FAM161B: variants seen among roughly 807,000 people sequenced by gnomAD.
FAM161B encodes protein FAM161B.
In FAM161B, 46 loss-of-function variants were observed where a neutral mutation model predicts 61.5. That is an observed-to-expected ratio of 0.75 (90% confidence interval 0.59 to 0.96). The LOEUF (loss-of-function observed/expected upper bound fraction) is 0.96, where lower values mean the gene tolerates loss of function less well. Ranked by LOEUF, FAM161B falls within the 40% of genes least tolerant of loss-of-function variation. The pLI is 0.00. For synonymous variants in FAM161B, 284 were observed against 302.7 expected (o/e 0.94, Z 0.64); for missense variants, 774 against 800.7 (o/e 0.97, Z 0.40).
At chr14:73,943,739 T>C (rs774163155) in intron 3 of FAM161B, among the ~76,000 whole-genome samples, 1 of 152,188 alleles carries the variant, frequency 6.6e-6, no homozygotes, top group Non-Finnish European at 1.5e-5. Flanking sequence ...TTAATCCTTG[T>C]AAATAACTCG....
At chr14:73,949,819 G>C in intron 1 of FAM161B, 154 bp downstream of exon 1, 1 of 1,088,428 alleles carries the variant, frequency 9.2e-7, no homozygotes, top group Non-Finnish European at 1.3e-6. Flanking sequence ...AGAGGTTCAG[G>C]TCTGTAAGTC....
At chr14:73,943,178 G>A (rs767778945) in intron 3 of FAM161B, among the ~76,000 whole-genome samples, 4 of 152,052 alleles carry the variant, frequency 2.6e-5, no homozygotes, top group Admixed American at 6.5e-5. Context: ...TGACTCCTCC[G>A]TGTCTCTCAT....
In FAM161B at chr14:73,932,632, C is replaced by A; in HGVS notation, c.*1624G>T. On this transcript the variant is annotated 3_prime_UTR_variant, in exon 9 of 9. Transcript: ENST00000286544. ...TACTGAGAAAATATCCACTCATCAT[C>A]ATTATGATTTGAGATGGGGTCTTGC... The A allele has an allele frequency of 2.7e-6, 1 of 374,910 alleles. No homozygotes were observed. Among genetic ancestry groups the A allele is most frequent in the Non-Finnish European group, 5.2e-6 (1 of 193,048 alleles). 23.2% of individuals were successfully genotyped at this position (374,910 alleles called of 1,614,324 possible). A position where few individuals can be genotyped will look rare whatever the true frequency, so the allele number is the denominator to read the frequency against.
At position 73,944,561 on chromosome 14, in the gene FAM161B, G is replaced by C. The variant is rs749850393; in HGVS notation, c.699C>G (p.Ile233Met). The change falls in exon 3 of 9, where the codon ATC becomes ATG. Residue 233 changes from isoleucine to methionine, a missense_variant. Coordinates refer to ENST00000286544, the MANE Select transcript of FAM161B (RefSeq NM_152445.3). ...AHVYLPLYQE[I>M]MERSEARRQA... ...GCCTTCGGGCCTCGCTGCGCTCCATGATCTCTTGGTAGAGGGGCAGGTAGA... is the reference window on the plus strand; with the variant it reads ...GCCTTCGGGCCTCGCTGCGCTCCATCATCTCTTGGTAGAGGGGCAGGTAGA... 1.6e-5 allele frequency: 26 copies of C among 1,614,014 alleles called. No individual in the cohort carries two copies. The highest frequency in any genetic ancestry group is 2.2e-5 in the Non-Finnish European group (26 of 1,180,042).
At position 73,933,583 on chromosome 14, in the gene FAM161B, C is replaced by CCTAT. The variant is rs768539260; in HGVS notation, c.*669_*672dup. The stretch of plus-strand genomic sequence containing the variant: ...ATGTAGTTGATGTAGTAACTCTGAG[C>CCTAT]CTATATTCCAGCAGGATTTGATACT... On this transcript the variant is annotated 3_prime_UTR_variant, in exon 9 of 9. Coordinates refer to ENST00000286544, the MANE Select transcript of FAM161B (RefSeq NM_152445.3). 2.0e-5 allele frequency: 3 copies of CCTAT among 152,186 alleles called. No homozygotes were observed. Among genetic ancestry groups the CCTAT allele is most frequent in the Non-Finnish European group, 2.9e-5 (2 of 68,046 alleles). 9.4% of individuals were successfully genotyped at this position (152,186 alleles called of 1,614,324 possible).
At chr14:73,935,805 G>T in intron 8 of FAM161B, 144 bp downstream of exon 8, 1 of 835,850 alleles carries the variant, frequency 1.2e-6, no homozygotes, top group Non-Finnish European at 1.7e-6. Context: ...GTTACTTGGA[G>T]ATCTCTGGAT....
At chr14:73,927,800 G>A (rs1297313076), downstream of FAM161B, 1 of 154,818 alleles carries the variant, frequency 6.5e-6, no homozygotes, top group African/African-American at 2.4e-5. Flanking sequence ...GTGAGGTTAG[G>A]ATGGGAGAAG....
intron 1 of FAM161B, among the ~76,000 whole-genome samples, chr14:73,948,229 G>A (rs550423628): frequency 1.3e-5 from 2 of 152,190 alleles, no homozygotes; most frequent in Admixed American, 6.5e-5. Context: ...CCGCCCAACG[G>A]CAATACTTAT....
At position 73,944,793 on chromosome 14, in the gene FAM161B, G is replaced by A. The variant is rs771933105; in HGVS notation, c.467C>T (p.Pro156Leu). The change falls in exon 3 of 9, where the codon CCC becomes CTC. Residue 156 changes from proline (P) to leucine (L), a missense_variant. Transcript: ENST00000286544. The part of the protein sequence containing the change: ...QTQPPSGSRP[P>L]SQHRSVSSWA... The stretch of plus-strand genomic sequence containing the variant: ...GGAGCTGACGCTTCTGTGCTGGGAG[G>A]GAGGCCGGGAGCCTGAGGGTGGCTG... The A allele has an allele frequency of 6.3e-7, 1 of 1,579,966 alleles. No individual in the cohort carries two copies. Among genetic ancestry groups the A allele is most frequent in the Non-Finnish European group, 8.6e-7 (1 of 1,161,618 alleles).
In FAM161B at chr14:73,933,812, T is replaced by C. The variant is rs1318382472; in HGVS notation, c.*444A>G. Reference sequence around the variant, plus strand: ...CCACTTTGATTTCCTTGAACTATTCTCTGTTATCTGCTGCTCTTTTTTTTT... The same window carrying C: ...CCACTTTGATTTCCTTGAACTATTCCCTGTTATCTGCTGCTCTTTTTTTTT... On this transcript the variant is annotated 3_prime_UTR_variant, in exon 9 of 9. Coordinates refer to ENST00000286544, the MANE Select transcript of FAM161B (RefSeq NM_152445.3). 1 of 154,070 alleles carries C rather than the reference T, an allele frequency of 6.5e-6. No individual in the cohort carries two copies. The highest frequency in any genetic ancestry group is 1.9e-4 in the East Asian group (1 of 5,224). 9.5% of individuals were successfully genotyped at this position (154,070 alleles called of 1,614,324 possible).
In FAM161B at chr14:73,938,058, T is replaced by A; in HGVS notation, c.1455A>T (p.Ile485=). Residue 485 remains isoleucine (I), a synonymous_variant, in exon 6 of 9, where the codon ATA becomes ATT. Transcript: ENST00000286544. ...ACATTGCTTGAGACTTCTTTTTGTGTATCTCCAGCCACTGAATACTCTCAT... is the reference window on the plus strand; with the variant it reads ...ACATTGCTTGAGACTTCTTTTTGTGAATCTCCAGCCACTGAATACTCTCAT... ...KADESIQWLE[I]HKKKSQAMSK... 5.0e-6 allele frequency: 8 copies of A among 1,614,242 alleles called. No individual in the cohort carries two copies. The highest frequency in any genetic ancestry group is 6.8e-6 in the Non-Finnish European group (8 of 1,180,036).
the FAM161B span, chr14:73,924,765 C>G: frequency 4.8e-6 from 2 of 417,474 alleles, no homozygotes; most frequent in South Asian, 3.5e-5. Context: ...CAACCTCTGC[C>G]TCCCAGGTTC....
chr14:73,944,935 C>T (rs2056054006), intron 2 of FAM161B, 50 bp from the exon 3 acceptor site: 6 of 1,441,124 alleles, frequency 4.2e-6, no homozygotes, highest in Middle Eastern at 2.4e-4. Flanking sequence ...TCAGGAGGCC[C>T]TGCTCCCTCC....
intron 1 of FAM161B, 31 bp downstream of exon 1, chr14:73,949,942 T>C (rs1358948393): frequency 6.2e-7 from 1 of 1,611,732 alleles, no homozygotes; most frequent in Middle Eastern, 1.7e-4. Flanking sequence ...CGGGATTCCT[T>C]TCCCGGGGGC....
chr14:73,942,731 G>GTCAC lies in FAM161B; in HGVS notation c.926-17_926-16insGTGA. The GTCAC allele has an allele frequency of 6.2e-7, 1 of 1,604,248 alleles. No homozygotes were observed. Among genetic ancestry groups the GTCAC allele is most frequent in the East Asian group, 2.2e-5 (1 of 44,708 alleles). ...AGCTCAGCTTCTGTGGAGAAAGGAT[G>GTCAC]GTGATGGGTAAGAAAGGACCAAGCA... On this transcript the variant is annotated splice_polypyrimidine_tract_variant and intron_variant, in intron 3 of 8. Transcript: ENST00000286544.
chr14:73,923,749 T>A, the FAM161B span, among the ~76,000 whole-genome samples: 1 of 152,204 alleles, frequency 6.6e-6, no homozygotes, highest in Non-Finnish European at 1.5e-5. Context: ...AAAGTTCTTT[T>A]ATATACATTC....
At chr14:73,949,829 C>CA (rs1392953927) in intron 1 of FAM161B, 144 bp downstream of exon 1, 32 of 1,201,476 alleles carry the variant, frequency 2.7e-5, no homozygotes, top group East Asian at 7.1e-5. Flanking sequence ...GTCTGTAAGT[C>CA]AGAGTCCGCC....
At position 73,938,085 on chromosome 14, in the gene FAM161B, T is replaced by C; in HGVS notation, c.1428A>G (p.Ala476=). 5 of 1,614,172 alleles carry C rather than the reference T, an allele frequency of 3.1e-6. No homozygotes were observed. The highest frequency in any genetic ancestry group is 3.4e-6 in the Non-Finnish European group (4 of 1,180,016). The stretch of plus-strand genomic sequence containing the variant: ...TCTCCAGCCACTGAATACTCTCATC[T>C]GCTTTGTTCTTTTTTTCAAGTGCAC... ...VRSALEKKNK[A]DESIQWLEIH... The change falls in exon 6 of 9, where the codon GCA becomes GCG. Residue 476 remains alanine, a synonymous_variant. Transcript: ENST00000286544.
At chr14:73,931,593 A>G, downstream of FAM161B, 4 of 1,562,406 alleles carry the variant, frequency 2.6e-6, no homozygotes, top group Non-Finnish European at 3.5e-6. Context: ...CAAAATGCGT[A>G]TACTGGGAAC....
Sources: gnomAD v4.1 joint callset for allele counts (sites outside exome capture counted in the v4.1 genomes callset) on GRCh38, gnomAD v4.1.1 for gene constraint, MANE v1.5 for transcripts, NCBI Gene and HGNC (gene_info 2026-07-23, HGNC 2026-07-21) for gene names.